RANBP10: variants seen among roughly 807,000 people sequenced by gnomAD.
The protein encoded by RANBP10 is ran-binding protein 10.
Under a neutral mutation model 72.8 loss-of-function variants are expected in RANBP10, and 24 were observed. The ratio of observed to expected loss-of-function variants is 0.33; its 90% confidence interval spans 0.24 to 0.46. The LOEUF is 0.46. Among genes scored for constraint, RANBP10 ranks in the 20% least tolerant of loss-of-function variants. The pLI is 1.00. For missense variants in RANBP10, 679 were observed against 817.5 expected, an observed-to-expected ratio of 0.83 and a Z score of 2.07; for synonymous variants, 310 against 322.3, an observed-to-expected ratio of 0.96 and a Z score of 0.41.
chr16:67,796,122 C>T (rs901698652), intron 2 of RANBP10, among the ~76,000 whole-genome samples: 1 of 151,814 alleles, frequency 6.6e-6, no homozygotes, highest in East Asian at 2.0e-4. Flanking sequence ...TTCGCCATGT[C>T]GGCCAGGCTG....
intron 2 of RANBP10, 22 bp from the exon 3 acceptor site, chr16:67,772,108 A>C (rs1273395362): frequency 8.8e-6 from 14 of 1,592,736 alleles, no homozygotes; most frequent in African/African-American, 4.1e-5. Flanking sequence ...AAAAAAAAAA[A>C]AACACAAAAT....
chr16:67,728,456 T>C lies in RANBP10; in HGVS notation c.1408A>G (p.Met470Val). 5.0e-6 allele frequency: 8 copies of C among 1,614,176 alleles called. No homozygotes were observed. The highest frequency in any genetic ancestry group is 6.8e-6 in the Non-Finnish European group (8 of 1,180,020). ...GCACCATTAACAATGCGTGTGGACA[T>C]GCTTCCTAGCACACCGTTGGGGTAG... ...EHYPNGVLGS[M>V]STRIVNGAYK... is the part of the protein sequence containing the mutation. Residue 470 changes from methionine to valine, a missense_variant, in exon 11 of 14, where the codon ATG becomes GTG. Transcript: ENST00000317506.
chr16:67,734,663 C>T (rs909143558), intron 6 of RANBP10, among the ~76,000 whole-genome samples, 195 bp downstream of exon 6: 4 of 152,072 alleles, frequency 2.6e-5, no homozygotes, highest in Non-Finnish European at 5.9e-5. Flanking sequence ...AGGAGCAGCC[C>T]GGAGAACTCG....
chr16:67,777,123 T>C (rs2054720931), intron 2 of RANBP10, among the ~76,000 whole-genome samples: 1 of 151,732 alleles, frequency 6.6e-6, no homozygotes, highest in African/African-American at 2.4e-5. Flanking sequence ...GGCAGGAGAA[T>C]TGCAGGAACC....
chr16:67,737,199 T>C (rs951130863), intron 5 of RANBP10, among the ~76,000 whole-genome samples: 4 of 133,636 alleles, frequency 3.0e-5, no homozygotes, highest in African/African-American at 5.8e-5. Context: ...TTTCTTTTTT[T>C]TTTTTTTTTT....
In RANBP10 at chr16:67,725,937, GATAA is replaced by G. The variant is rs2053588911; in HGVS notation, c.*487_*490del. 6.6e-6 allele frequency: 1 copy of G among 151,012 alleles called. No homozygotes were observed. Among genetic ancestry groups the G allele is most frequent in the Non-Finnish European group, 1.5e-5 (1 of 67,734 alleles). 9.4% of individuals were successfully genotyped at this position (151,012 alleles called of 1,614,324 possible). ...AGAGGTGCTGGACCACTAATGCTACGATAAATACTGTCTTTTTTTTTAATATATA... is the reference window on the plus strand; with the variant it reads ...AGAGGTGCTGGACCACTAATGCTACGATACTGTCTTTTTTTTTAATATATA... On this transcript the variant is annotated 3_prime_UTR_variant, in exon 14 of 14. Coordinates refer to ENST00000317506, the MANE Select transcript of RANBP10 (RefSeq NM_020850.3).
intron 2 of RANBP10, among the ~76,000 whole-genome samples, chr16:67,788,861 G>A (rs2054971250): frequency 6.6e-6 from 1 of 151,464 alleles, no homozygotes; most frequent in African/African-American, 2.4e-5. Context: ...TTAGCCAGGT[G>A]TGGTGGCACA....
intron 7 of RANBP10, 52 bp downstream of exon 7, chr16:67,731,420 C>T (rs1190877090): frequency 6.8e-7 from 1 of 1,473,584 alleles, no homozygotes; most frequent in East Asian, 2.3e-5. Flanking sequence ...AGCCAGAGAG[C>T]AGAGTTAGGG....
At chr16:67,768,003 T>C (rs1187480517) in intron 3 of RANBP10, among the ~76,000 whole-genome samples, 1 of 151,150 alleles carries the variant, frequency 6.6e-6, no homozygotes, top group Non-Finnish European at 1.5e-5. Context: ...GAGGTCAAAG[T>C]TGCAGTGAAC....
chr16:67,729,615 G>A lies in RANBP10; in HGVS notation c.1147+65C>T. The stretch of plus-strand genomic sequence containing the variant: ...GAGCCCTGAGCCCAGCCCAGGAAAG[G>A]GTATGTGGAGTGGCCTCTCTCCTCC... On this transcript the variant is annotated intron_variant, in intron 9 of 13. Transcript: ENST00000317506. This position sits in a 1 kb window ranked among gnomAD's most constrained non-coding sequence, Gnocchi z 7.1. The A allele has an allele frequency of 6.4e-7, 1 of 1,565,016 alleles. No homozygotes were observed. Among genetic ancestry groups the A allele is most frequent in the Non-Finnish European group, 8.7e-7 (1 of 1,155,782 alleles).
At chr16:67,744,072 T>A (rs1016782069) in intron 4 of RANBP10, 11 of 983,192 alleles carry the variant, frequency 1.1e-5, no homozygotes, top group African/African-American at 1.7e-5. Flanking sequence ...ACTCTCAGCA[T>A]CCTCCCTGGG....
chr16:67,749,222 C>A (rs911248044), intron 3 of RANBP10, among the ~76,000 whole-genome samples: 1 of 152,182 alleles, frequency 6.6e-6, no homozygotes, highest in South Asian at 2.1e-4. Context: ...TTTAAATCAG[C>A]GAGCACAAAG....
chr16:67,778,070 C>CCAGGTG, intron 2 of RANBP10, among the ~76,000 whole-genome samples: 1 of 152,312 alleles, frequency 6.6e-6, no homozygotes, highest in Admixed American at 6.5e-5. Flanking sequence ...CAAAGTTTGG[C>CCAGGTG]CAGGTGCGGT....
chr16:67,797,962 C>T (rs968687978), intron 2 of RANBP10, among the ~76,000 whole-genome samples: 14 of 147,440 alleles, frequency 9.5e-5, no homozygotes, highest in African/African-American at 3.5e-4. Context: ...TGCACTCCAG[C>T]CTGAGTGACA....
At chr16:67,748,773 G>T (rs2143007213) in intron 3 of RANBP10, among the ~76,000 whole-genome samples, 1 of 152,186 alleles carries the variant, frequency 6.6e-6, no homozygotes, top group South Asian at 2.1e-4. Context: ...TCGACTGCCT[G>T]GCTAAGGAGT....
At chr16:67,806,058 G>A (rs2055412622) in intron 1 of RANBP10, among the ~76,000 whole-genome samples, 1 of 152,244 alleles carries the variant, frequency 6.6e-6, no homozygotes. Context: ...TGGAGTGGAA[G>A]GTCCGGCCCA....
chr16:67,740,269 A>AT (rs1015292922), intron 4 of RANBP10, among the ~76,000 whole-genome samples: 2 of 150,880 alleles, frequency 1.3e-5, no homozygotes, highest in African/African-American at 2.4e-5. Context: ...TGCCCAGCTA[A>AT]TTTTTTTTTG....
intron 3 of RANBP10, among the ~76,000 whole-genome samples, chr16:67,756,155 T>C (rs1248995665): frequency 4.6e-5 from 7 of 152,210 alleles, no homozygotes; most frequent in Non-Finnish European, 8.8e-5. Context: ...GACAGTGCCC[T>C]AGAGATGGAA....
intron 2 of RANBP10, among the ~76,000 whole-genome samples, chr16:67,774,942 C>T (rs1167723923): frequency 6.6e-6 from 1 of 152,098 alleles, no homozygotes; most frequent in Non-Finnish European, 1.5e-5. Context: ...ACTTGTATAG[C>T]ATGTTAAATT....
Sources: allele counts gnomAD v4.1 joint callset (sites outside exome capture counted in the v4.1 genomes callset), GRCh38; gene constraint gnomAD v4.1.1; non-coding constraint Gnocchi (gnomAD v3.1); transcripts MANE v1.5; gene names NCBI Gene and HGNC (gene_info 2026-07-23, HGNC 2026-07-21).